SCAF4: variants seen among roughly 807,000 people sequenced by gnomAD.
The protein encoded by SCAF4 is SR-related CTD associated factor 4.
SCAF4 carries 25 observed loss-of-function variants against 129.8 expected under a neutral mutation model. The observed-to-expected ratio is 0.19, with a 90% CI of 0.14 to 0.27. SCAF4 has a LOEUF of 0.27. Among genes scored for constraint, SCAF4 ranks in the 10% least tolerant of loss-of-function variants. The probability of loss-of-function intolerance (pLI) is 1.00; values close to 1 mark genes in which losing one functional copy is unlikely to be tolerated. For synonymous variants in SCAF4, 551 were observed against 497.7 expected (o/e 1.11, Z -1.43); for missense variants, 1,246 against 1,457.1 (o/e 0.86, Z 2.36).
At chr21:31,686,940 A>G (rs1219172642) in intron 16 of SCAF4, among the ~76,000 whole-genome samples, 1 of 152,184 alleles carries the variant, frequency 6.6e-6, no homozygotes, top group Non-Finnish European at 1.5e-5. Context: ...GGAGACCACT[A>G]TCTGAACAGA....
chr21:31,722,617 G>A (rs1405362460), intron 1 of SCAF4, among the ~76,000 whole-genome samples: 1 of 152,152 alleles, frequency 6.6e-6, no homozygotes, highest in Non-Finnish European at 1.5e-5. Context: ...TGAATTTTTA[G>A]GTGATAACCA....
At chr21:31,718,575 C>T (rs73201535) in intron 1 of SCAF4, among the ~76,000 whole-genome samples, 5,118 of 152,270 alleles carry the variant, frequency 0.034, 127 homozygotes, top group Non-Finnish European at 0.048. Flanking sequence ...GGATTACAGG[C>T]GTGAGCCACC....
At chr21:31,724,552 G>T (rs73201540) in intron 1 of SCAF4, among the ~76,000 whole-genome samples, 5,125 of 152,228 alleles carry the variant, frequency 0.034, 130 homozygotes, top group Non-Finnish European at 0.048. Context: ...GTTCATTACT[G>T]ATGTAACATT....
chr21:31,686,091 T>G (rs1231283760), intron 16 of SCAF4, among the ~76,000 whole-genome samples: 1 of 151,280 alleles, frequency 6.6e-6, no homozygotes, highest in Non-Finnish European at 1.5e-5. Context: ...TAATCCCAGC[T>G]ACTCCGGAGG....
intron 1 of SCAF4, among the ~76,000 whole-genome samples, chr21:31,714,109 T>C (rs1281801102): frequency 1.3e-5 from 2 of 152,022 alleles, no homozygotes; most frequent in East Asian, 3.9e-4. Context: ...ATGTCCTCAT[T>C]TGTAAAAAGG....
At chr21:31,728,871 T>C (rs1038951723) in intron 1 of SCAF4, among the ~76,000 whole-genome samples, 4 of 152,182 alleles carry the variant, frequency 2.6e-5, no homozygotes, top group Non-Finnish European at 5.9e-5. Flanking sequence ...TTTTCTTCTC[T>C]ACTAAGTAGG....
chr21:31,706,512 G>GT, intron 1 of SCAF4, 155 bp from the exon 2 acceptor site: 2 of 606,688 alleles, frequency 3.3e-6, no homozygotes, highest in Non-Finnish European at 5.9e-6. Context: ...AAGAGCTTTG[G>GT]TGGCCAGGCA....
intron 1 of SCAF4, among the ~76,000 whole-genome samples, chr21:31,724,151 C>T (rs573420371): frequency 5.3e-5 from 8 of 152,156 alleles, no homozygotes; most frequent in Non-Finnish European, 1.0e-4. Flanking sequence ...TGAAGGTGAT[C>T]AGGGTATAAT....
chr21:31,692,384 G>T lies in SCAF4; in HGVS notation c.1579C>A (p.Leu527Ile), dbSNP rs747472696. ...TCAATTGGACCAAACTCTTCCAAGAGACTGGCAACATCCTGCTGAGTAGTT... is the reference window on the plus strand; with the variant it reads ...TCAATTGGACCAAACTCTTCCAAGATACTGGCAACATCCTGCTGAGTAGTT... ...KRTTQQDVAS[L>I]LEEFGPIESI... Residue 527 changes from leucine (L) to isoleucine (I), a missense_variant, in exon 13 of 20, where the codon CTC becomes ATC. Leu to Ile is a conservative substitution (Grantham distance 5). Around this residue, in one of 6 missense-constraint regions of SCAF4, gnomAD observed 468 missense variants for 605.5 expected, o/e 0.77. Transcript: ENST00000286835. 6.2e-7 allele frequency: 1 copy of T among 1,613,912 alleles called. No individual in the cohort carries two copies. Among genetic ancestry groups the T allele is most frequent in the Non-Finnish European group, 8.5e-7 (1 of 1,179,876 alleles).
At chr21:31,695,290 C>T (rs1275877790) in intron 9 of SCAF4, among the ~76,000 whole-genome samples, 2 of 152,112 alleles carry the variant, frequency 1.3e-5, no homozygotes, top group East Asian at 3.9e-4. Context: ...GTCAGAAGTA[C>T]TCCATTGCAA....
chr21:31,685,624 G>T lies in SCAF4; in HGVS notation c.2153C>A (p.Pro718His), dbSNP rs1275459520. The T allele has an allele frequency of 6.2e-7, 1 of 1,614,128 alleles. No individual in the cohort carries two copies. The highest frequency in any genetic ancestry group is 1.7e-5 in the Admixed American group (1 of 60,022). Residue 718 changes from proline to histidine, a missense_variant, in exon 17 of 20, where the codon CCC becomes CAC. By Grantham distance (77) the Pro-to-His change is moderately conservative. This residue lies in a region of SCAF4 where 468 missense variants were observed against 605.5 expected (regional missense o/e 0.77). Coordinates refer to ENST00000286835, the MANE Select transcript of SCAF4 (RefSeq NM_020706.2). ...GCGCAAAAATGGTGGAGGAGGAGGGGGAGGAGGAACACCAGGACCAAAGCC... is the reference window on the plus strand; with the variant it reads ...GCGCAAAAATGGTGGAGGAGGAGGGTGAGGAGGAACACCAGGACCAAAGCC... ...PPGFGPGVPP[P>H]PPPPPFLRPG... is the part of the protein sequence containing the mutation.
At chr21:31,695,460 T>C (rs137991843) in intron 9 of SCAF4, among the ~76,000 whole-genome samples, 21 of 152,302 alleles carry the variant, frequency 1.4e-4, no homozygotes, top group African/African-American at 3.6e-4. Context: ...ATCATAATAA[T>C]AATGAAAGTA....
rs763884513 is a variant in SCAF4 at position 31,672,002 on chromosome 21, TGGCTGCTGC to T, written c.2832_2840del (p.Pro947_Gln949del). On this transcript the variant is annotated inframe_deletion, in exon 20 of 20. Coordinates refer to ENST00000286835, the MANE Select transcript of SCAF4 (RefSeq NM_020706.2). ...GCGCCTGCGGCTGTGGCTGCTGCTG[TGGCTGCTGC>T]GGCGGCTGTTGCCTTCCGTCTCTGT... 2.9e-4 allele frequency: 463 copies of T among 1,613,212 alleles called. 1 individual carries two copies. Among genetic ancestry groups the T allele is most frequent in the South Asian group, 6.4e-4 (58 of 91,050 alleles).
At chr21:31,679,876 A>T (rs2123479670) in intron 19 of SCAF4, among the ~76,000 whole-genome samples, 1 of 152,354 alleles carries the variant, frequency 6.6e-6, no homozygotes, top group South Asian at 2.1e-4. Flanking sequence ...GCATAATAAT[A>T]ATTACTTAAG....
intron 1 of SCAF4, among the ~76,000 whole-genome samples, chr21:31,711,848 A>G (rs2050806960): frequency 2.0e-5 from 3 of 152,182 alleles, no homozygotes. Context: ...ACAGAGGTAT[A>G]AAGTGATGTG....
At chr21:31,704,348 A>C (rs1343013335) in intron 3 of SCAF4, among the ~76,000 whole-genome samples, 1 of 152,170 alleles carries the variant, frequency 6.6e-6, no homozygotes, top group African/African-American at 2.4e-5. Flanking sequence ...GTACCAAATA[A>C]AAATTAAAAA....
chr21:31,704,477 A>G (rs992753635), intron 3 of SCAF4, among the ~76,000 whole-genome samples: 1 of 152,026 alleles, frequency 6.6e-6, no homozygotes, highest in Non-Finnish European at 1.5e-5. Flanking sequence ...AAGACAATTT[A>G]GCAATAAAAG....
In SCAF4 at chr21:31,732,000, C is replaced by G; in HGVS notation, c.-308G>C. 1 of 472,022 alleles carries G rather than the reference C, an allele frequency of 2.1e-6. No individual in the cohort carries two copies. Among genetic ancestry groups the G allele is most frequent in the Admixed American group, 4.4e-5 (1 of 22,872 alleles). The allele number at this position is 472,022 out of a possible 1,614,324, so 29.2% of individuals were successfully genotyped here. A position where few individuals can be genotyped will look rare whatever the true frequency, so the allele number is the denominator to read the frequency against. On this transcript the variant is annotated 5_prime_UTR_variant, in exon 1 of 20. Coordinates refer to ENST00000286835, the MANE Select transcript of SCAF4 (RefSeq NM_020706.2). ...GCGCTCTGCGTCTCGCTGACACGGC[C>G]CCCCGCGCCCTCACGCACTGGCTCA...
rs1194426233 is a variant in SCAF4 at position 31,685,398 on chromosome 21, A to G, written c.2296T>C (p.Ser766Pro). The change falls in exon 18 of 20, where the codon TCT becomes CCT. Residue 766 changes from serine to proline, a missense_variant and splice_region_variant. Coordinates refer to ENST00000286835, the MANE Select transcript of SCAF4 (RefSeq NM_020706.2). ...AACACAAAGAAAAAAACATGCTTAC[A>G]GTTTGGGATGCTTATTGGTGGAGTG... ...PHTPPISIPN[S>P]TIAGINEDTT... is the part of the protein sequence containing the mutation. 1.2e-6 allele frequency: 2 copies of G among 1,607,556 alleles called. No homozygotes were observed. Among genetic ancestry groups the G allele is most frequent in the South Asian group, 1.1e-5 (1 of 90,040 alleles).
Sources: gnomAD v4.1 joint callset for allele counts (sites outside exome capture counted in the v4.1 genomes callset) on GRCh38, gnomAD v4.1.1 for gene constraint, gnomAD v4.1.1 regional missense constraint, MANE v1.5 for transcripts, NCBI Gene and HGNC (gene_info 2026-07-23, HGNC 2026-07-21) for gene names.